The following MACROD2 variants were observed in gnomAD, a reference collection of about 807,000 sequenced individuals.
The protein encoded by MACROD2 is ADP-ribose glycohydrolase MACROD2.
MACROD2 carries 36 observed loss-of-function variants against 70.4 expected under a neutral mutation model. The ratio of observed to expected loss-of-function variants is 0.51; its 90% CI spans 0.39 to 0.68. The LOEUF (loss-of-function observed/expected upper bound fraction) is 0.68. Among genes scored for constraint, MACROD2 ranks in the 30% least tolerant of loss-of-function variants. The pLI is 0.00. For missense variants in MACROD2, 496 were observed against 538.4 expected (o/e 0.92, Z 0.78); for synonymous variants, 172 against 178.8 (o/e 0.96, Z 0.30).
chr20:14,446,247 A>G (rs991257898), intron 3 of MACROD2, among the ~76,000 whole-genome samples: 1 of 152,080 alleles, frequency 6.6e-6, no homozygotes, highest in African/African-American at 2.4e-5. Context: ...TATAAATAAT[A>G]AATATTTTCT....
chr20:14,850,976 A>G (rs1160308057), intron 5 of MACROD2, among the ~76,000 whole-genome samples: 1 of 152,084 alleles, frequency 6.6e-6, no homozygotes, highest in Non-Finnish European at 1.5e-5. Flanking sequence ...CCTAGCATTG[A>G]CAGTACAGTC....
intron 5 of MACROD2, among the ~76,000 whole-genome samples, chr20:14,953,633 TAG>T (rs985274264): frequency 6.6e-6 from 1 of 152,070 alleles, no homozygotes; most frequent in African/African-American, 2.4e-5. Context: ...ATAAAAGAAA[TAG>T]AGAGTGCTCT....
chr20:15,196,592 G>C (rs749231670), intron 5 of MACROD2, among the ~76,000 whole-genome samples: 17 of 152,178 alleles, frequency 1.1e-4, no homozygotes, highest in South Asian at 2.1e-4. Context: ...CATTCTAAGA[G>C]TTGTAAAGTA....
chr20:14,670,013 C>T (rs751669484), intron 4 of MACROD2, among the ~76,000 whole-genome samples: 15 of 151,950 alleles, frequency 9.9e-5, no homozygotes, highest in African/African-American at 3.4e-4. Flanking sequence ...AACGAGGATG[C>T]TCTTGAGAAA....
intron 3 of MACROD2, among the ~76,000 whole-genome samples, chr20:14,187,846 A>G (rs559113256): frequency 6.6e-6 from 1 of 152,264 alleles, no homozygotes; most frequent in East Asian, 1.9e-4. Flanking sequence ...ATTAAGCCCA[A>G]TGTCTATTAA....
chr20:16,049,731 T>A, intron 17 of MACROD2, 99 bp from the exon 18 acceptor site: 1 of 1,213,990 alleles, frequency 8.2e-7, no homozygotes, highest in Non-Finnish European at 1.2e-6. Context: ...ATGTGAGGGG[T>A]GAGAGACATT....
intron 5 of MACROD2, among the ~76,000 whole-genome samples, chr20:14,899,675 A>T (rs1259576759): frequency 1.3e-5 from 2 of 152,138 alleles, no homozygotes; most frequent in African/African-American, 4.8e-5. Context: ...TCACATTCTG[A>T]AGTACCGGTG....
intron 5 of MACROD2, among the ~76,000 whole-genome samples, chr20:14,853,243 C>T (rs1364337228): frequency 2.7e-5 from 4 of 150,886 alleles, no homozygotes; most frequent in Non-Finnish European, 5.9e-5. Context: ...TATAAAGCAA[C>T]AGTCTAGATA....
At chr20:15,191,968 T>C (rs529731431) in intron 5 of MACROD2, among the ~76,000 whole-genome samples, 4 of 151,750 alleles carry the variant, frequency 2.6e-5, no homozygotes, top group Non-Finnish European at 4.4e-5. Context: ...TACAACTTTA[T>C]ATAGTTAAAT....
chr20:14,981,424 ATGTATATG>A (rs2074797958), intron 5 of MACROD2, among the ~76,000 whole-genome samples: 1 of 117,042 alleles, frequency 8.5e-6, no homozygotes, highest in Non-Finnish European at 1.7e-5. Flanking sequence ...GTGTGTATAT[ATGTATATG>A]TATATATATA....
chr20:15,629,394 C>T (rs2049255112), intron 8 of MACROD2, among the ~76,000 whole-genome samples: 1 of 152,196 alleles, frequency 6.6e-6, no homozygotes, highest in Non-Finnish European at 1.5e-5. Flanking sequence ...CTCTCTATGC[C>T]TTCCCAAGAG....
chr20:15,876,120 T>TATATATATATATA (rs1400960877), intron 9 of MACROD2, among the ~76,000 whole-genome samples: 8 of 146,044 alleles, frequency 5.5e-5, no homozygotes, highest in South Asian at 2.2e-4. Context: ...TATGTGTGTA[T>TATATATATATATA]TTTTTTTATT....
intron 8 of MACROD2, among the ~76,000 whole-genome samples, chr20:15,567,937 A>G (rs2048330317): frequency 6.6e-6 from 1 of 152,202 alleles, no homozygotes; most frequent in Non-Finnish European, 1.5e-5. Context: ...AATACTGGCA[A>G]ATTTACTTCA....
At chr20:14,888,156 A>G (rs1006387850) in intron 5 of MACROD2, 5 of 152,136 alleles carry the variant, frequency 3.3e-5, no homozygotes, top group African/African-American at 7.2e-5. Flanking sequence ...CGCTGTTATC[A>G]GTCCTGGAGC....
chr20:15,343,486 A>C (rs1382882949), intron 6 of MACROD2, among the ~76,000 whole-genome samples: 1 of 152,220 alleles, frequency 6.6e-6, no homozygotes, highest in Non-Finnish European at 1.5e-5. Flanking sequence ...TTTGACAGTC[A>C]GTGATATCTT....
At chr20:15,422,147 A>T (rs2046237466) in intron 6 of MACROD2, among the ~76,000 whole-genome samples, 1 of 152,172 alleles carries the variant, frequency 6.6e-6, no homozygotes, top group African/African-American at 2.4e-5. Context: ...ATTGGAGGTT[A>T]TGGTTGTGAT....
At chr20:15,066,336 G>T (rs1248141284) in intron 5 of MACROD2, among the ~76,000 whole-genome samples, 4 of 151,396 alleles carry the variant, frequency 2.6e-5, no homozygotes, top group Admixed American at 1.3e-4. Flanking sequence ...GTTTCACCAT[G>T]TTGGCCAGGC....
chr20:14,572,700 T>C (rs908395076), intron 4 of MACROD2, among the ~76,000 whole-genome samples: 5 of 152,024 alleles, frequency 3.3e-5, no homozygotes. Flanking sequence ...TGGGGGTTTG[T>C]ATTGTGACTG....
chr20:14,936,566 C>T (rs992101389), intron 5 of MACROD2, among the ~76,000 whole-genome samples: 1 of 151,962 alleles, frequency 6.6e-6, no homozygotes, highest in Non-Finnish European at 1.5e-5. Context: ...CTTTGTAGCT[C>T]TCTCTCCTCC....
Sources: allele counts gnomAD v4.1 joint callset (sites outside exome capture counted in the v4.1 genomes callset), GRCh38; gene constraint gnomAD v4.1.1; transcripts MANE v1.5; gene names NCBI Gene and HGNC (gene_info 2026-07-23, HGNC 2026-07-21).